The following MN1 variants were observed in gnomAD, a reference collection of about 807,000 sequenced individuals.
The protein encoded by MN1 is MN1 proto-oncogene, transcriptional regulator.
In MN1, 19 loss-of-function variants were observed where a neutral mutation model predicts 86.9. That is an observed-to-expected ratio of 0.22 (90% CI 0.15 to 0.32). The LOEUF is 0.32. Ranked by LOEUF, MN1 falls within the 10% of genes least tolerant of loss-of-function variation. MN1 has a pLI of 1.00. For synonymous variants in MN1, 928 were observed against 849.6 expected (o/e 1.09, Z -1.60); for missense variants, 1,841 against 1,862.0 (o/e 0.99, Z 0.21).
At chr22:27,773,122 C>T (rs1021521320) in intron 1 of MN1, among the ~76,000 whole-genome samples, 2 of 151,824 alleles carry the variant, frequency 1.3e-5, no homozygotes, top group African/African-American at 2.4e-5. Flanking sequence ...ACCCAGCCCC[C>T]GAGGAGCCCC....
intron 1 of MN1, among the ~76,000 whole-genome samples, chr22:27,786,710 C>A (rs1416032334): frequency 1.1e-4 from 16 of 152,138 alleles, no homozygotes; most frequent in Admixed American, 9.8e-4. Flanking sequence ...GGCTTTTTCT[C>A]CCTCCTCCTG....
chr22:27,792,351 T>TAA (rs1350212376), intron 1 of MN1, among the ~76,000 whole-genome samples: 1,780 of 109,086 alleles, frequency 0.016, 30 homozygotes, highest in Middle Eastern at 0.034. Flanking sequence ...TATATATATA[T>TAA]GAATATATAA....
chr22:27,784,199 AG>A, intron 1 of MN1, among the ~76,000 whole-genome samples: 1 of 152,194 alleles, frequency 6.6e-6, no homozygotes, highest in East Asian at 1.9e-4. Context: ...GGATGCACCT[AG>A]GGGATCACAG....
chr22:27,759,262 T>G (rs1246208583), intron 1 of MN1, among the ~76,000 whole-genome samples: 1 of 152,028 alleles, frequency 6.6e-6, no homozygotes, highest in Non-Finnish European at 1.5e-5. Context: ...ACCCCAAGAA[T>G]GACCTGCCTT....
chr22:27,785,087 C>T (rs1250457655), intron 1 of MN1, among the ~76,000 whole-genome samples: 1 of 151,910 alleles, frequency 6.6e-6, no homozygotes, highest in African/African-American at 2.4e-5. Context: ...CACACACACA[C>T]ACACACACAC....
intron 1 of MN1, among the ~76,000 whole-genome samples, chr22:27,776,607 C>T (rs1932981645): frequency 6.6e-6 from 1 of 152,058 alleles, no homozygotes; most frequent in Non-Finnish European, 1.5e-5. Flanking sequence ...CACCCTCTCC[C>T]TCTTTCTCCT....
At chr22:27,767,656 A>G (rs974519039) in intron 1 of MN1, among the ~76,000 whole-genome samples, 7 of 152,124 alleles carry the variant, frequency 4.6e-5, no homozygotes, top group East Asian at 1.9e-4. Context: ...TACAGGGATA[A>G]TCTCTGAGAT....
chr22:27,753,163 G>A (rs1932780334), intron 1 of MN1, among the ~76,000 whole-genome samples: 1 of 152,178 alleles, frequency 6.6e-6, no homozygotes, highest in Admixed American at 6.5e-5. Context: ...CCTCATTCAT[G>A]CAACTAACAT....
At position 27,748,714 on chromosome 22, in the gene MN1, G is replaced by A. The variant is rs1486557880; in HGVS notation, c.*2201C>T. On this transcript the variant is annotated 3_prime_UTR_variant, in exon 2 of 2. Coordinates refer to ENST00000302326, the MANE Select transcript of MN1 (RefSeq NM_002430.3). The stretch of plus-strand genomic sequence containing the variant: ...TAAAGCTGTTTCATTCTGGGGTCGT[G>A]GGGAGCGAGAAAGTTTTTAAAACTT... 9.2e-6 allele frequency: 2 copies of A among 218,498 alleles called. No homozygotes were observed. Among genetic ancestry groups the A allele is most frequent in the Non-Finnish European group, 1.8e-5 (2 of 108,608 alleles). 13.5% of individuals were successfully genotyped at this position (218,498 alleles called of 1,614,324 possible). A position where few individuals can be genotyped will look rare whatever the true frequency, so the allele number is the denominator to read the frequency against.
chr22:27,781,080 G>A (rs998750886), intron 1 of MN1, among the ~76,000 whole-genome samples: 6 of 152,064 alleles, frequency 3.9e-5, no homozygotes, highest in South Asian at 2.1e-4. Flanking sequence ...ACAGGTGTGC[G>A]CCACCATGGC....
chr22:27,757,365 A>G (rs1029805760), intron 1 of MN1, among the ~76,000 whole-genome samples: 4 of 152,232 alleles, frequency 2.6e-5, no homozygotes, highest in African/African-American at 7.2e-5. Context: ...CTGGAGGCAG[A>G]CAGAGCTAGA....
intron 1 of MN1, among the ~76,000 whole-genome samples, chr22:27,761,467 G>A (rs559361419): frequency 8.6e-5 from 13 of 150,500 alleles, no homozygotes; most frequent in Non-Finnish European, 1.8e-4. Flanking sequence ...CAGATGGGAT[G>A]AGAACTTCCC....
chr22:27,775,398 C>A (rs187774512), intron 1 of MN1, among the ~76,000 whole-genome samples: 1 of 152,160 alleles, frequency 6.6e-6, no homozygotes, highest in Admixed American at 6.5e-5. Context: ...ATGGGCCTCG[C>A]GTCCACTCCA....
intron 1 of MN1, among the ~76,000 whole-genome samples, chr22:27,763,168 A>T (rs1404269474): frequency 6.6e-6 from 1 of 152,226 alleles, no homozygotes; most frequent in East Asian, 1.9e-4. Flanking sequence ...CATTGCTTCC[A>T]GCCCATTGGA....
chr22:27,750,814 G>A lies in MN1; in HGVS notation c.*101C>T. 9.5e-7 allele frequency: 1 copy of A among 1,048,228 alleles called. No homozygotes were observed. The highest frequency in any genetic ancestry group is 1.9e-5 in the South Asian group (1 of 53,908). 64.9% of individuals were successfully genotyped at this position (1,048,228 alleles called of 1,614,324 possible). ...AAAAACTCATCCACTCAGCAATAGT[G>A]GCCCTTTCAAATTAACAGAGGGGTG... On this transcript the variant is annotated 3_prime_UTR_variant, in exon 2 of 2. Transcript: ENST00000302326.
chr22:27,786,749 C>T (rs1438479585), intron 1 of MN1, among the ~76,000 whole-genome samples: 2 of 151,934 alleles, frequency 1.3e-5, no homozygotes, highest in Admixed American at 6.6e-5. Flanking sequence ...GCGCCACTCG[C>T]CTCCTCTTCC....
At position 27,801,709 on chromosome 22, in the gene MN1, T is replaced by C. The variant is rs1048316483; in HGVS notation, c.-1166A>G. Among the ~76,000 whole-genome samples the C allele has an allele frequency of 1.3e-5, 2 of 152,074 alleles. No homozygotes were observed. The highest frequency in any genetic ancestry group is 2.4e-5 in the African/African-American group (1 of 41,398). On this transcript the variant is annotated 5_prime_UTR_variant, in exon 1 of 2. Transcript: ENST00000302326. ...CGTGGGGCGTTCCGAGGGTCTCGGC[T>C]CCCCTCTCTGTGTCTGCCTCTCGCC...
In MN1 at chr22:27,798,646, G is replaced by A; in HGVS notation, c.1898C>T (p.Ser633Leu). ...GTCTCCGGGCGGCGGATGCGGACCT[G>A]AGAACCACGCGCTCTCTTGCGCCAA... ...PHLAQESAWFSGPHPPPGDLL... is the reference protein window; with the variant it reads ...PHLAQESAWFLGPHPPPGDLL... The change falls in exon 1 of 2, where the codon TCA (serine) becomes TTA (leucine). Residue 633 changes from serine (S) to leucine (L), a missense_variant. Transcript: ENST00000302326. 1 of 1,560,408 alleles carries A rather than the reference G, an allele frequency of 6.4e-7. No individual in the cohort carries two copies. The highest frequency in any genetic ancestry group is 8.6e-7 in the Non-Finnish European group (1 of 1,161,732).
rs1348079246 is a variant in MN1, at chr22:27,797,750, C to T, written c.2794G>A (p.Gly932Ser). The T allele has an allele frequency of 2.5e-6, 4 of 1,608,246 alleles. No individual in the cohort carries two copies. The highest frequency in any genetic ancestry group is 3.4e-6 in the Non-Finnish European group (4 of 1,178,408). ...CCGCCGCCCCCGGAGACCGGCTTGC[C>T]GTCATTCCCCGACGTGGATTCCAGG... Reference protein sequence around the residue: ...YTLESTSGNDGKPVSGGGGRG... With the variant: ...YTLESTSGNDSKPVSGGGGRG... Residue 932 changes from glycine to serine, a missense_variant, in exon 1 of 2, where the codon GGC becomes AGC. Physicochemically the swap from Gly to Ser is moderately conservative, Grantham distance 56. Transcript: ENST00000302326.
Sources: gnomAD v4.1 joint callset for allele counts (sites outside exome capture counted in the v4.1 genomes callset) on GRCh38, gnomAD v4.1.1 for gene constraint, MANE v1.5 for transcripts, NCBI Gene and HGNC (gene_info 2026-07-23, HGNC 2026-07-21) for gene names.